Variants in LRP1 observed in about 807,000 individuals in gnomAD.
LRP1 encodes the protein LDL receptor related protein 1.
Under a neutral mutation model 541.5 loss-of-function variants are expected in LRP1, and 51 were observed. That is an observed-to-expected ratio of 0.09 (90% CI 0.08 to 0.12). The LOEUF is 0.12. Ranked by LOEUF, LRP1 falls within the 10% of genes least tolerant of loss-of-function variation. The pLI is 1.00. For missense variants in LRP1, 3,878 were observed against 6,376.2 expected (o/e 0.61, Z 13.34); for synonymous variants, 2,219 against 2,470.8 (o/e 0.90, Z 3.02).
chr12:57,158,778 C>T lies in LRP1; in HGVS notation c.1798+140C>T. ...GTTGGCATGGAGATGAGGGGATAGA[C>T]AGATTGACCCCTGTGTGACCCCCTT... On this transcript the variant is annotated intron_variant, in intron 11 of 88. Transcript: ENST00000243077. This position sits in a 1 kb window ranked among gnomAD's most constrained non-coding sequence, Gnocchi z 5.3. The T allele has an allele frequency of 3.8e-6, 3 of 791,714 alleles. No individual in the cohort carries two copies. The highest frequency in any genetic ancestry group is 4.1e-6 in the Non-Finnish European group (2 of 484,176). 49.0% of individuals were successfully genotyped at this position (791,714 alleles called of 1,614,324 possible).
At position 57,178,658 on chromosome 12, in the gene LRP1, G is replaced by A. The variant is rs1160501850; in HGVS notation, c.4606+55G>A. 6.2e-7 allele frequency: 1 copy of A among 1,609,294 alleles called. No homozygotes were observed. The highest frequency in any genetic ancestry group is 1.3e-5 in the African/African-American group (1 of 74,778). On this transcript the variant is annotated intron_variant, in intron 27 of 88. Transcript: ENST00000243077. The surrounding 1 kb of genome is among the most constrained non-coding windows in gnomAD (Gnocchi z 5.8). ...AAGGGAGCCAGCAGCCTCTTTAGAA[G>A]CTGTAGAAGCTCTTAGGAGAGGAGA...
chr12:57,170,319 C>G (rs2035921076), intron 20 of LRP1, among the ~76,000 whole-genome samples: 1 of 152,156 alleles, frequency 6.6e-6, no homozygotes, highest in South Asian at 2.1e-4. Context: ...TGGGATAGGA[C>G]TAATATCTTT....
Position 57,191,060 on chromosome 12 carries a change from C to A in LRP1, c.7236+51C>A, listed in dbSNP as rs368558603. 8.4e-6 allele frequency: 13 copies of A among 1,540,648 alleles called. No individual in the cohort carries two copies. In the African/African-American group the frequency reaches 1.6e-4, roughly 19 times the overall value. Reference sequence around the variant, plus strand: ...GCGGGCGGCTGAGGGGAGGCCAGGGCCAGGGTCAGCCGTCAACCAAGACCG... The same window carrying A: ...GCGGGCGGCTGAGGGGAGGCCAGGGACAGGGTCAGCCGTCAACCAAGACCG... On this transcript the variant is annotated intron_variant, in intron 43 of 88. Coordinates refer to ENST00000243077, the MANE Select transcript of LRP1 (RefSeq NM_002332.3).
chr12:57,197,487 C>T lies in LRP1; in HGVS notation c.9163-58C>T. On this transcript the variant is annotated intron_variant, in intron 57 of 88. Coordinates refer to ENST00000243077, the MANE Select transcript of LRP1 (RefSeq NM_002332.3). This position sits in a 1 kb window ranked among gnomAD's most constrained non-coding sequence, Gnocchi z 4.5. ...GGTCCAACCATCCCTCCCCCAGATG[C>T]AAATGTGGCCCCTGTTGCCACAACC... 6.2e-7 allele frequency: 1 copy of T among 1,613,502 alleles called. No homozygotes were observed. Among genetic ancestry groups the T allele is most frequent in the Non-Finnish European group, 8.5e-7 (1 of 1,179,672 alleles).
intron 1 of LRP1, among the ~76,000 whole-genome samples, chr12:57,133,940 C>T (rs1367491466): frequency 2.0e-5 from 3 of 152,014 alleles, no homozygotes; most frequent in African/African-American, 4.8e-5. Context: ...TCGCTGTCAC[C>T]CTCTCTGGCC....
In LRP1 at chr12:57,156,994, G is replaced by A. The variant is rs578078205; in HGVS notation, c.1561+74G>A. On this transcript the variant is annotated intron_variant, in intron 10 of 88. Transcript: ENST00000243077. This position sits in a 1 kb window ranked among gnomAD's most constrained non-coding sequence, Gnocchi z 5.2. ...GTTCCTCAGGTGTCCCCCACAGCCC[G>A]GCTGCCTCTGTCTGACATGCAGGGA... 521 of 1,455,642 alleles carry A rather than the reference G, an allele frequency of 3.6e-4. No individual in the cohort carries two copies. In the African/African-American group the frequency reaches 6.4e-3, roughly 18 times the overall value. The allele number at this position is 1,455,642 out of a possible 1,614,324, so 90.2% of individuals were successfully genotyped here.
chr12:57,136,302 CA>C (rs1243102254), intron 1 of LRP1, among the ~76,000 whole-genome samples: 1 of 150,680 alleles, frequency 6.6e-6, no homozygotes, highest in Non-Finnish European at 1.5e-5. Context: ...TCATTTTGGC[CA>C]GGGGCCTGAG....
At chr12:57,186,775 G>A (rs1004286969) in intron 41 of LRP1, among the ~76,000 whole-genome samples, 4 of 152,172 alleles carry the variant, frequency 2.6e-5, no homozygotes, top group Non-Finnish European at 5.9e-5. Context: ...AGCCACCATC[G>A]CTTATAGCCA....
chr12:57,165,563 T>G lies in LRP1; in HGVS notation c.2531-242T>G. 4.1e-6 allele frequency: 2 copies of G among 483,830 alleles called. No homozygotes were observed. The highest frequency in any genetic ancestry group is 7.5e-6 in the Non-Finnish European group (2 of 267,814). 30.0% of individuals were successfully genotyped at this position (483,830 alleles called of 1,614,324 possible). On this transcript the variant is annotated intron_variant, in intron 15 of 88. Transcript: ENST00000243077. The surrounding 1 kb of genome is among the most constrained non-coding windows in gnomAD (Gnocchi z 4.5). ...AGGCCATGGGCTCTCTTGGACACCA[T>G]TTGATTCTCAGGTCACACTGAAGTA...
chr12:57,192,516 G>C (rs2036434872), intron 44 of LRP1, among the ~76,000 whole-genome samples: 1 of 152,126 alleles, frequency 6.6e-6, no homozygotes, highest in Non-Finnish European at 1.5e-5. Flanking sequence ...GCTTTCCCAG[G>C]TGTCTCCCAT....
rs34554486 is a variant in LRP1 at position 57,194,344 on chromosome 12, C to T, written c.7919-10C>T. ...GAACCAGGTATCACCCTCACCCCTG[C>T]CCCCACCAGGTGCCACCGACTGCAG... On this transcript the variant is annotated splice_polypyrimidine_tract_variant and intron_variant, in intron 48 of 88. Transcript: ENST00000243077. 56,092 of 1,511,480 alleles carry T rather than the reference C, an allele frequency of 0.037. 1,896 individuals are homozygous for T. Among genetic ancestry groups the T allele is most frequent in the East Asian group, 0.2 (8,733 of 43,698 alleles). 93.6% of individuals were successfully genotyped at this position (1,511,480 alleles called of 1,614,324 possible).
intron 41 of LRP1, among the ~76,000 whole-genome samples, chr12:57,186,645 C>T (rs776022057): frequency 4.6e-5 from 7 of 152,210 alleles, no homozygotes; most frequent in Non-Finnish European, 8.8e-5. Context: ...AAGCTAAACT[C>T]GGTACTCCAT....
chr12:57,146,391 G>A (rs1461366139), intron 6 of LRP1: 1 of 152,158 alleles, frequency 6.6e-6, no homozygotes, highest in Non-Finnish European at 1.5e-5. Flanking sequence ...CTGCATAATG[G>A]GTTTGAGCTT....
chr12:57,163,036 G>A (rs928601495), intron 15 of LRP1, 53 bp downstream of exon 15: 5 of 1,550,888 alleles, frequency 3.2e-6, no homozygotes, highest in African/African-American at 2.7e-5. Context: ...TCAGGAGGAT[G>A]CCGAAGAGTG....
chr12:57,198,664 C>A lies in LRP1; in HGVS notation c.9670C>A (p.His3224Asn). The A allele has an allele frequency of 6.2e-7, 1 of 1,607,552 alleles. No individual in the cohort carries two copies. The change falls in exon 60 of 89, where the codon CAC (histidine) becomes AAC (asparagine). Residue 3224 changes from histidine to asparagine, a missense_variant. By Grantham distance (68) the His-to-Asn change is moderately conservative. Around this residue, in one of 13 missense-constraint regions of LRP1, gnomAD observed 1,100 missense variants for 1,827.4 expected, o/e 0.60. Coordinates refer to ENST00000243077, the MANE Select transcript of LRP1 (RefSeq NM_002332.3). ...EFASLDGSNR[H>N]VVLSQDIPHI... ...TGCCAGCCTGGATGGCTCCAATCGC[C>A]ACGTTGGTCAGTGTGCCAGTGAGGC...
intron 10 of LRP1, among the ~76,000 whole-genome samples, chr12:57,157,665 G>A (rs1592617416): frequency 6.6e-6 from 1 of 152,198 alleles, no homozygotes; most frequent in South Asian, 2.1e-4. Context: ...AATGAGGAGA[G>A]CAAGGGCCTC....
At chr12:57,150,639 G>A (rs1439861195) in intron 6 of LRP1, among the ~76,000 whole-genome samples, 4 of 152,174 alleles carry the variant, frequency 2.6e-5, no homozygotes, top group South Asian at 2.1e-4. Context: ...CACAGAGGGC[G>A]ACTTGGTGGA....
rs1374755790 is a variant in LRP1, at chr12:57,206,969, C to T, written c.11859+228C>T. The stretch of plus-strand genomic sequence containing the variant: ...AAAAATACAAAAATTTGGCTGAGCG[C>T]GGTGGCTCATGCCTGTAATCCCAGC... On this transcript the variant is annotated intron_variant, in intron 76 of 88. Transcript: ENST00000243077. This position sits in a 1 kb window ranked among gnomAD's most constrained non-coding sequence, Gnocchi z 4.7. Among the ~76,000 whole-genome samples the T allele has an allele frequency of 6.6e-6, 1 of 152,098 alleles. No homozygotes were observed. The highest frequency in any genetic ancestry group is 1.5e-5 in the Non-Finnish European group (1 of 68,018).
rs1248070232 is a variant in LRP1, at chr12:57,173,991, G to A, written c.3547+11G>A. The stretch of plus-strand genomic sequence containing the variant: ...AGGGCGAGCTCTGCGGTGAGGCCTG[G>A]TCCCAGGAGAAGGGTAGGGAGGGTG... On this transcript the variant is annotated intron_variant, in intron 22 of 88. Coordinates refer to ENST00000243077, the MANE Select transcript of LRP1 (RefSeq NM_002332.3). This position sits in a 1 kb window ranked among gnomAD's most constrained non-coding sequence, Gnocchi z 4.7. The A allele has an allele frequency of 3.0e-5, 48 of 1,613,358 alleles. No individual in the cohort carries two copies. The highest frequency in any genetic ancestry group is 3.9e-5 in the Non-Finnish European group (46 of 1,179,874).
Sources: allele counts gnomAD v4.1 joint callset (sites outside exome capture counted in the v4.1 genomes callset), GRCh38; gene constraint gnomAD v4.1.1; regional missense constraint gnomAD v4.1.1; non-coding constraint Gnocchi (gnomAD v3.1); transcripts MANE v1.5; gene names NCBI Gene and HGNC (gene_info 2026-07-23, HGNC 2026-07-21).